The following CDH8 variants were observed in gnomAD, a reference collection of about 807,000 sequenced individuals.
CDH8 encodes cadherin 8, also known as cadherin-8.
A neutral mutation model predicts 68.1 loss-of-function variants in CDH8; 17 were observed. That is an observed-to-expected ratio of 0.25 (90% CI 0.17 to 0.37). The LOEUF is 0.37. CDH8 is among the 10% of genes least tolerant of loss of function. CDH8 has a pLI of 1.00. For synonymous variants in CDH8, 372 were observed against 365.1 expected, an observed-to-expected ratio of 1.02 and a Z score of -0.21; for missense variants, 763 against 999.3, an observed-to-expected ratio of 0.76 and a Z score of 3.19.
At chr16:61,726,155 T>C (rs1341316110) in intron 9 of CDH8, 2 of 150,950 alleles carry the variant, frequency 1.3e-5, no homozygotes, top group African/African-American at 4.8e-5. Context: ...ACAAGAATAG[T>C]TGGATTAACA....
rs533277254 is a variant in CDH8 at position 61,879,028 on chromosome 16, A to G, written c.548-21790T>C. Among the ~76,000 whole-genome samples the G allele has an allele frequency of 2.0e-5, 3 of 152,260 alleles. No homozygotes were observed. In the East Asian group the frequency reaches 5.8e-4, roughly 29 times the overall value. Reference sequence around the variant, plus strand: ...GAGTAAGATTCACTTATTTGCCCCCATGTCCTGCCTAAATTTATAATGCCA... The same window carrying G: ...GAGTAAGATTCACTTATTTGCCCCCGTGTCCTGCCTAAATTTATAATGCCA... On this transcript the variant is annotated intron_variant, in intron 3 of 11. Transcript: ENST00000577390.
intron 3 of CDH8, among the ~76,000 whole-genome samples, chr16:61,879,559 G>C (rs1475796343): frequency 6.6e-6 from 1 of 152,168 alleles, no homozygotes; most frequent in Admixed American, 6.5e-5. Context: ...CCTGTTCCCT[G>C]TCATCATCCT....
intron 9 of CDH8, among the ~76,000 whole-genome samples, chr16:61,716,585 A>G (rs1394082058): frequency 6.6e-6 from 1 of 151,666 alleles, no homozygotes; most frequent in African/African-American, 2.4e-5. Flanking sequence ...CCAATGGAAA[A>G]GATTCATATT....
chr16:61,867,063 CA>C (rs1963269173), intron 3 of CDH8, among the ~76,000 whole-genome samples: 2 of 151,992 alleles, frequency 1.3e-5, no homozygotes, highest in South Asian at 4.2e-4. Context: ...TATCAAATTT[CA>C]AATGTGACAA....
intron 2 of CDH8, among the ~76,000 whole-genome samples, chr16:61,914,752 A>C (rs1964212389): frequency 6.6e-6 from 1 of 151,944 alleles, no homozygotes; most frequent in Non-Finnish European, 1.5e-5. Context: ...TAAAAAAAAA[A>C]AAAAAAGAAT....
At chr16:61,850,868 A>G (rs1451096209) in intron 4 of CDH8, among the ~76,000 whole-genome samples, 1 of 152,048 alleles carries the variant, frequency 6.6e-6, no homozygotes, top group South Asian at 2.1e-4. Context: ...ACCCTATATT[A>G]TGTGTAGTAT....
intron 4 of CDH8, among the ~76,000 whole-genome samples, chr16:61,831,375 G>C (rs543760941): frequency 6.6e-6 from 1 of 151,886 alleles, no homozygotes; most frequent in East Asian, 1.9e-4. Flanking sequence ...GCTGTGAATA[G>C]ACTCGTGTTT....
chr16:61,863,441 G>T (rs1214118377), intron 3 of CDH8, among the ~76,000 whole-genome samples: 1 of 152,166 alleles, frequency 6.6e-6, no homozygotes, highest in Non-Finnish European at 1.5e-5. Context: ...AGGAAAATGA[G>T]ATGTTGGGGT....
At chr16:61,749,574 T>A (rs1379923355) in intron 8 of CDH8, among the ~76,000 whole-genome samples, 1 of 152,080 alleles carries the variant, frequency 6.6e-6, no homozygotes, top group Non-Finnish European at 1.5e-5. Context: ...ACTGATGTAT[T>A]CAAAACAGCA....
Position 61,697,828 on chromosome 16 carries a change from G to A in CDH8, c.1654+16013C>T, listed in dbSNP as rs572751637. Among the ~76,000 whole-genome samples, 40 of 152,336 alleles carry A rather than the reference G, an allele frequency of 2.6e-4. No homozygotes were observed. In the South Asian group the frequency reaches 8.1e-3, roughly 31 times the overall value. On this transcript the variant is annotated intron_variant, in intron 10 of 11. Coordinates refer to ENST00000577390, the MANE Select transcript of CDH8 (RefSeq NM_001796.5). ...TTTTTTTGTTTCCACTCTGTAGAGA[G>A]AATGTGCAGAGCAGATAAGCCAGCA...
chr16:61,802,059 T>C (rs375387149), intron 7 of CDH8, among the ~76,000 whole-genome samples: 9 of 142,930 alleles, frequency 6.3e-5, no homozygotes, highest in East Asian at 4.0e-4. Context: ...CAGACTTAAG[T>C]GTCCCTGTCT....
At chr16:61,692,549 G>C (rs1365596387) in intron 10 of CDH8, 1 of 148,772 alleles carries the variant, frequency 6.7e-6, no homozygotes, top group Non-Finnish European at 1.5e-5. Flanking sequence ...GATGTCACCA[G>C]CTAAAAGAGA....
chr16:61,808,041 C>G (rs766461875), intron 7 of CDH8, among the ~76,000 whole-genome samples: 1 of 152,184 alleles, frequency 6.6e-6, no homozygotes, highest in Admixed American at 6.5e-5. Flanking sequence ...GCAAAAAGCA[C>G]TGTACTAAAA....
intron 7 of CDH8, among the ~76,000 whole-genome samples, chr16:61,812,860 A>G (rs534673688): frequency 3.2e-4 from 49 of 152,306 alleles, no homozygotes; most frequent in African/African-American, 1.1e-3. Context: ...TTTACGTGCT[A>G]TATCACTAAG....
chr16:61,817,094 C>A (rs2142999988), intron 7 of CDH8, among the ~76,000 whole-genome samples: 1 of 152,150 alleles, frequency 6.6e-6, no homozygotes, highest in Non-Finnish European at 1.5e-5. Context: ...AGACAGAGGA[C>A]AAACTAGCAA....
chr16:61,846,575 C>T (rs539193819), intron 4 of CDH8, among the ~76,000 whole-genome samples: 2 of 152,190 alleles, frequency 1.3e-5, no homozygotes, highest in South Asian at 2.1e-4. Context: ...CCTGATTCAG[C>T]GGAGGTGGAA....
At chr16:61,850,748 C>T (rs1280162465) in intron 4 of CDH8, among the ~76,000 whole-genome samples, 1 of 151,994 alleles carries the variant, frequency 6.6e-6, no homozygotes, top group Non-Finnish European at 1.5e-5. Flanking sequence ...TCTTAAACTA[C>T]CATTAGTTTT....
intron 2 of CDH8, among the ~76,000 whole-genome samples, chr16:61,939,190 C>T (rs768945706): frequency 1.3e-4 from 20 of 152,084 alleles, no homozygotes; most frequent in African/African-American, 3.6e-4. Context: ...AAGATGAAGA[C>T]GGATAACAAA....
intron 3 of CDH8, among the ~76,000 whole-genome samples, chr16:61,858,140 G>C (rs951695284): frequency 1.3e-5 from 2 of 152,026 alleles, no homozygotes; most frequent in South Asian, 4.2e-4. Flanking sequence ...CAGTTCGAGG[G>C]GGAATAAGAG....
Sources: allele counts gnomAD v4.1 joint callset (sites outside exome capture counted in the v4.1 genomes callset), GRCh38; gene constraint gnomAD v4.1.1; transcripts MANE v1.5; gene names NCBI Gene and HGNC (gene_info 2026-07-23, HGNC 2026-07-21).